The following ANO10 variants were observed in gnomAD, a reference collection of about 807,000 sequenced individuals.
ANO10 encodes the protein anoctamin-10.
ANO10 carries 77 observed loss-of-function variants against 74.7 expected under a neutral mutation model. The observed-to-expected ratio is 1.03, with a 90% CI of 0.86 to 1.25. ANO10 has a LOEUF of 1.25. Ranked by LOEUF, ANO10 falls within the 50% of genes most tolerant of loss-of-function variation. The pLI, the probability that ANO10 is intolerant of heterozygous loss-of-function variation, is 0.00. For synonymous variants in ANO10, 279 were observed against 284.9 expected, an observed-to-expected ratio of 0.98 and a Z score of 0.21; for missense variants, 721 against 778.1, an observed-to-expected ratio of 0.93 and a Z score of 0.87.
chr3:43,546,374 T>G (rs1364839043), intron 11 of ANO10, among the ~76,000 whole-genome samples: 1 of 152,112 alleles, frequency 6.6e-6, no homozygotes, highest in Non-Finnish European at 1.5e-5. Flanking sequence ...GCTATGGAAA[T>G]CAAGAGTATG....
At chr3:43,434,007 T>C (rs554304253) in intron 11 of ANO10, among the ~76,000 whole-genome samples, 141 of 152,314 alleles carry the variant, frequency 9.3e-4, no homozygotes, top group Middle Eastern at 3.4e-3. Context: ...TTTCTTACTG[T>C]GATATTTCCA....
chr3:43,572,689 A>G (rs984831923), intron 7 of ANO10, among the ~76,000 whole-genome samples: 2 of 152,184 alleles, frequency 1.3e-5, no homozygotes, highest in Non-Finnish European at 2.9e-5. Context: ...CCTATAGCTT[A>G]CTTCCTGCAC....
chr3:43,416,407 T>C (rs1204655019), intron 12 of ANO10, among the ~76,000 whole-genome samples: 1 of 152,182 alleles, frequency 6.6e-6, no homozygotes, highest in Non-Finnish European at 1.5e-5. Flanking sequence ...TTGTAGAGTC[T>C]ATCTAAAAGA....
At chr3:43,531,428 T>C (rs2149249396) in intron 11 of ANO10, among the ~76,000 whole-genome samples, 1 of 152,362 alleles carries the variant, frequency 6.6e-6, no homozygotes, top group Admixed American at 6.5e-5. Flanking sequence ...GATAAAGTTC[T>C]CTATCTTCTA....
chr3:43,620,577 A>G (rs975729354), intron 1 of ANO10, among the ~76,000 whole-genome samples: 42 of 152,304 alleles, frequency 2.8e-4, no homozygotes, highest in African/African-American at 9.9e-4. Context: ...CAGGAGTTCA[A>G]GACCAGCCTG....
intron 11 of ANO10, among the ~76,000 whole-genome samples, chr3:43,470,195 C>A (rs1207282709): frequency 2.6e-5 from 4 of 152,120 alleles, no homozygotes; most frequent in African/African-American, 4.8e-5. Flanking sequence ...ATAGAGAAAT[C>A]TTAAATGGAT....
chr3:43,542,477 A>G (rs1233241660), intron 11 of ANO10, among the ~76,000 whole-genome samples: 1 of 152,194 alleles, frequency 6.6e-6, no homozygotes, highest in African/African-American at 2.4e-5. Context: ...ACAAATCTAG[A>G]GCTGACAGAG....
intron 11 of ANO10, among the ~76,000 whole-genome samples, chr3:43,545,366 T>TTTTG (rs912650582): frequency 1.3e-5 from 2 of 152,012 alleles, no homozygotes; most frequent in African/African-American, 4.8e-5. Flanking sequence ...GATGGTTTTT[T>TTTTG]TTTGTTTGTT....
chr3:43,386,880 G>A (rs969774222), intron 12 of ANO10, among the ~76,000 whole-genome samples: 2 of 152,242 alleles, frequency 1.3e-5, no homozygotes, highest in African/African-American at 4.8e-5. Context: ...CTAGGGGCAG[G>A]ACTGAAGCCT....
chr3:43,427,148 T>A (rs1396623871), intron 12 of ANO10, among the ~76,000 whole-genome samples: 2 of 151,872 alleles, frequency 1.3e-5, no homozygotes, highest in African/African-American at 2.4e-5. Context: ...GAAAAAAAAA[T>A]ATATAAAAAT....
intron 11 of ANO10, among the ~76,000 whole-genome samples, chr3:43,477,091 C>T (rs1301773022): frequency 6.6e-6 from 1 of 152,130 alleles, no homozygotes; most frequent in Non-Finnish European, 1.5e-5. Context: ...ACCCCTCTAC[C>T]ATCTTTCAGT....
At chr3:43,423,258 G>A (rs746724007) in intron 12 of ANO10, among the ~76,000 whole-genome samples, 1 of 152,056 alleles carries the variant, frequency 6.6e-6, no homozygotes, top group African/African-American at 2.4e-5. Flanking sequence ...TTCTGCCAGA[G>A]TATCTATTTT....
At position 43,536,517 on chromosome 3, in the gene ANO10, T is replaced by C. The variant is rs1482655; in HGVS notation, c.1797+13203A>G. Among the ~76,000 whole-genome samples the C allele has an allele frequency of 8.6e-3, 1,310 of 152,330 alleles. 73 individuals carry two copies. Among genetic ancestry groups the C allele is most frequent in the Admixed American group, 0.074 (1,139 of 15,290 alleles). On this transcript the variant is annotated intron_variant, in intron 11 of 12. Transcript: ENST00000292246. ...TAAGTTTGATCAGTGAATTCTCAAA[T>C]GTATGAGAATGATGCCTCACCTCAT...
chr3:43,589,978 T>C (rs527647453), intron 4 of ANO10, among the ~76,000 whole-genome samples: 3 of 152,184 alleles, frequency 2.0e-5, no homozygotes, highest in Non-Finnish European at 2.9e-5. Flanking sequence ...GGTTATATAA[T>C]AGGGAGGGAA....
intron 11 of ANO10, among the ~76,000 whole-genome samples, chr3:43,523,489 C>G (rs2078050241): frequency 6.6e-6 from 1 of 152,160 alleles, no homozygotes; most frequent in Non-Finnish European, 1.5e-5. Flanking sequence ...CAGTTAAGAA[C>G]ATGCTATGCT....
In ANO10 at chr3:43,561,372, T is replaced by G; in HGVS notation, c.1324A>C (p.Ile442Leu). 6.2e-7 allele frequency: 1 copy of G among 1,614,152 alleles called. No individual in the cohort carries two copies. Among genetic ancestry groups the G allele is most frequent in the Non-Finnish European group, 8.5e-7 (1 of 1,180,016 alleles). The change falls in exon 9 of 13, where the codon ATC becomes CTC. Residue 442 changes from isoleucine to leucine, a missense_variant. Ile to Leu is a conservative substitution (Grantham distance 5). Coordinates refer to ENST00000292246, the MANE Select transcript of ANO10 (RefSeq NM_018075.5). ...AAAGATTCCATAATTTGGTTGAGGA[T>G]CTGGGAGGTAATTAGGAGAGTGGCC... is the stretch of plus-strand genomic sequence containing the variant. The part of the protein sequence containing the change: ...SLATLLITSQ[I>L]LNQIMESFLP...
At chr3:43,509,924 C>T (rs1158635821) in intron 11 of ANO10, among the ~76,000 whole-genome samples, 1 of 152,096 alleles carries the variant, frequency 6.6e-6, no homozygotes, top group East Asian at 1.9e-4. Context: ...GGGAACTGTG[C>T]TGAAGGAAAA....
chr3:43,660,810 C>T (rs1342528426), intron 1 of ANO10, among the ~76,000 whole-genome samples: 13 of 152,038 alleles, frequency 8.6e-5, no homozygotes, highest in Middle Eastern at 3.2e-3. Flanking sequence ...CAAAATTAGC[C>T]GGGCGTGGTG....
At chr3:43,584,278 G>T (rs1050650045) in intron 4 of ANO10, among the ~76,000 whole-genome samples, 1 of 152,210 alleles carries the variant, frequency 6.6e-6, no homozygotes, top group South Asian at 2.1e-4. Flanking sequence ...TTTGGTTGAG[G>T]ATAGCCCAAG....
Sources: allele counts gnomAD v4.1 joint callset (sites outside exome capture counted in the v4.1 genomes callset), GRCh38; gene constraint gnomAD v4.1.1; transcripts MANE v1.5; gene names NCBI Gene and HGNC (gene_info 2026-07-23, HGNC 2026-07-21).